AK7: variants seen among roughly 807,000 people sequenced by gnomAD.
The protein encoded by AK7 is ATP-AMP transphosphorylase 7.
In AK7, 78 loss-of-function variants were observed where a neutral mutation model predicts 96.6. That is an observed-to-expected ratio of 0.81 (90% CI 0.67 to 0.97). AK7 has a LOEUF of 0.97. AK7 is among the 50% of genes least tolerant of loss of function. The probability of loss-of-function intolerance (pLI) is 0.00; values close to 1 mark genes in which losing one functional copy is unlikely to be tolerated. For missense variants in AK7, 855 were observed against 887.9 expected (o/e 0.96, Z 0.47); for synonymous variants, 302 against 317.2 (o/e 0.95, Z 0.51).
intron 5 of AK7, among the ~76,000 whole-genome samples, chr14:96,426,737 C>A (rs1342723590): frequency 6.6e-6 from 1 of 152,180 alleles, no homozygotes; most frequent in East Asian, 1.9e-4. Flanking sequence ...GCCACTCTTT[C>A]CTGGCCTGTA....
chr14:96,478,536 G>T lies in AK7; in HGVS notation c.1627G>T (p.Val543Leu), dbSNP rs777585613. 1.2e-6 allele frequency: 2 copies of T among 1,614,180 alleles called. No individual in the cohort carries two copies. Among genetic ancestry groups the T allele is most frequent in the Admixed American group, 3.3e-5 (2 of 60,006 alleles). ...ERVINLPESI[V>L]AGTHYSQDRF... ...TGTGATAAACCTTCCTGAGAGCATC[G>T]TGGCGGGGACCCACTACAGCCAAGA... Residue 543 changes from valine (V) to leucine (L), a missense_variant, in exon 15 of 18, where the codon GTG (valine) becomes TTG (leucine). Val to Leu is a conservative substitution (Grantham distance 32). Transcript: ENST00000267584.
intron 7 of AK7, 126 bp downstream of exon 7, chr14:96,442,944 A>C: frequency 2.4e-6 from 2 of 835,544 alleles, no homozygotes; most frequent in Admixed American, 4.3e-5. Flanking sequence ...CATTCTTCGT[A>C]ACAACCCTAT....
chr14:96,459,465 A>C (rs1199197253), intron 12 of AK7, among the ~76,000 whole-genome samples: 3 of 152,242 alleles, frequency 2.0e-5, no homozygotes, highest in Non-Finnish European at 4.4e-5. Context: ...TTAATTGGAC[A>C]AACCAAGAAA....
chr14:96,451,169 A>T (rs193053421), intron 9 of AK7, among the ~76,000 whole-genome samples: 2 of 152,312 alleles, frequency 1.3e-5, no homozygotes, highest in East Asian at 3.9e-4. Flanking sequence ...TTAAAAAAGA[A>T]AATTTGGATT....
chr14:96,427,536 A>G (rs1255026358), intron 5 of AK7, among the ~76,000 whole-genome samples: 1 of 152,222 alleles, frequency 6.6e-6, no homozygotes. Context: ...CTCTTCCAAC[A>G]TTGGAGATTA....
At chr14:96,478,735 T>C (rs1895335220) in intron 15 of AK7, 73 bp downstream of exon 15, 1 of 1,484,102 alleles carries the variant, frequency 6.7e-7, no homozygotes, top group South Asian at 1.2e-5. Context: ...CTAGCTGTAA[T>C]TGTGGGGCTG....
intron 9 of AK7, among the ~76,000 whole-genome samples, 179 bp from the exon 10 acceptor site, chr14:96,451,242 G>A (rs1469354141): frequency 6.6e-6 from 1 of 152,184 alleles, no homozygotes; most frequent in Non-Finnish European, 1.5e-5. Flanking sequence ...CATGGAGACT[G>A]TTTAGAAGTA....
intron 10 of AK7, among the ~76,000 whole-genome samples, chr14:96,452,325 C>CTT (rs548934217): frequency 1.4e-5 from 2 of 144,964 alleles, no homozygotes; most frequent in Non-Finnish European, 3.1e-5. Context: ...ATGAAGCAAC[C>CTT]TTTTTTTTTT....
chr14:96,478,343 G>A, intron 14 of AK7, 122 bp from the exon 15 acceptor site: 2 of 946,046 alleles, frequency 2.1e-6, no homozygotes, highest in Non-Finnish European at 1.6e-6. Context: ...AAAGCCAATT[G>A]GACAGGCTAT....
chr14:96,398,958 C>A (rs1306544905), intron 2 of AK7: 2 of 151,088 alleles, frequency 1.3e-5, no homozygotes, highest in Non-Finnish European at 3.0e-5. Flanking sequence ...CATGCTGTAC[C>A]CTGGAGTGGC....
In AK7 at chr14:96,398,241, A is replaced by C; in HGVS notation, c.272A>C (p.Asp91Ala). 1.2e-6 allele frequency: 2 copies of C among 1,613,326 alleles called. No individual in the cohort carries two copies. The highest frequency in any genetic ancestry group is 1.7e-6 in the Non-Finnish European group (2 of 1,179,990). The stretch of plus-strand genomic sequence containing the variant: ...TCCAAGCCTGACAGCCCGCGGCCTG[A>C]CTTTGCGGTGGAGACGTACTCTGTA... The part of the protein sequence containing the change: ...TLSKPDSPRP[D>A]FAVETYSAIS... Residue 91 changes from aspartate to alanine, a missense_variant, in exon 2 of 18, where the codon GAC (aspartate) becomes GCC (alanine). Asp to Ala is a moderately radical substitution (Grantham distance 126). Coordinates refer to ENST00000267584, the MANE Select transcript of AK7 (RefSeq NM_152327.5).
rs1895581940 is a variant in AK7, at chr14:96,483,001, G to T, written c.1756G>T (p.Val586Leu). 6.2e-7 allele frequency: 1 copy of T among 1,613,104 alleles called. No homozygotes were observed. The highest frequency in any genetic ancestry group is 1.3e-5 in the African/African-American group (1 of 74,576). The part of the protein sequence containing the change: ...ELEIHPIHID[V>L]GKLEDAQNRL... Reference sequence around the variant, plus strand: ...GATCTCTCTCCTGGTATTTAAAGATGTAGGAAAACTTGAAGATGCTCAGAA... The same window carrying T: ...GATCTCTCTCCTGGTATTTAAAGATTTAGGAAAACTTGAAGATGCTCAGAA... The change falls in exon 16 of 18, where the codon GTA (valine) becomes TTA (leucine). Residue 586 changes from valine (V) to leucine (L), a missense_variant and splice_region_variant. By Grantham distance (32) the Val-to-Leu change is conservative (BLOSUM62 1). Coordinates refer to ENST00000267584, the MANE Select transcript of AK7 (RefSeq NM_152327.5).
intron 16 of AK7, among the ~76,000 whole-genome samples, chr14:96,486,172 G>A (rs1895762561): frequency 6.6e-6 from 1 of 152,156 alleles, no homozygotes; most frequent in Non-Finnish European, 1.5e-5. Flanking sequence ...CAGGGGTAGG[G>A]CTGGCTTCAG....
chr14:96,443,779 A>ATTTTTTT (rs1566787949), intron 7 of AK7, among the ~76,000 whole-genome samples: 1 of 33,256 alleles, frequency 3.0e-5, no homozygotes, highest in East Asian at 2.2e-3. Context: ...AAAAACTCAT[A>ATTTTTTT]ATTTTTTTTT....
At chr14:96,442,893 C>T (rs1441622117) in intron 7 of AK7, 75 bp downstream of exon 7, 5 of 1,365,668 alleles carry the variant, frequency 3.7e-6, no homozygotes, top group Non-Finnish European at 5.2e-6. Context: ...ACTTTTTGAG[C>T]ATTTGCCTAG....
At chr14:96,451,837 G>A (rs1893623910) in intron 10 of AK7, among the ~76,000 whole-genome samples, 2 of 152,048 alleles carry the variant, frequency 1.3e-5, no homozygotes, top group African/African-American at 2.4e-5. Flanking sequence ...ATCTAATAAT[G>A]TATGCAAAAT....
At chr14:96,432,525 C>A (rs1030047274) in intron 5 of AK7, among the ~76,000 whole-genome samples, 1 of 152,096 alleles carries the variant, frequency 6.6e-6, no homozygotes, top group Non-Finnish European at 1.5e-5. Context: ...TGGCTGTTAG[C>A]GGTTTTTCCT....
intron 10 of AK7, among the ~76,000 whole-genome samples, 179 bp from the exon 11 acceptor site, chr14:96,456,168 G>A (rs1243978698): frequency 4.0e-5 from 6 of 149,400 alleles, no homozygotes; most frequent in Non-Finnish European, 8.9e-5. Context: ...AACCTGGGAG[G>A]TGGAGGTTGC....
intron 16 of AK7, 79 bp from the exon 17 acceptor site, chr14:96,486,819 T>A (rs2140186664): frequency 1.5e-6 from 2 of 1,325,106 alleles, no homozygotes; most frequent in South Asian, 1.2e-5. Context: ...AGTGTCTCAA[T>A]GCACTGTAGG....
Sources: allele counts gnomAD v4.1 joint callset (sites outside exome capture counted in the v4.1 genomes callset), GRCh38; gene constraint gnomAD v4.1.1; transcripts MANE v1.5; gene names NCBI Gene and HGNC (gene_info 2026-07-23, HGNC 2026-07-21).